The following RBFOX1 variants were observed in gnomAD, a reference collection of about 807,000 sequenced individuals.
The protein encoded by RBFOX1 is RNA binding fox-1 homolog 1, also known as RNA binding protein fox-1 homolog 1.
RBFOX1 carries 8 observed loss-of-function variants against 57.7 expected under a neutral mutation model. The observed-to-expected ratio is 0.14, with a 90% CI of 0.08 to 0.25. The LOEUF is 0.25. Ranked by LOEUF, RBFOX1 falls within the 10% of genes least tolerant of loss-of-function variation. The pLI, the probability that RBFOX1 is intolerant of heterozygous loss-of-function variation, is 1.00. For synonymous variants in RBFOX1, 326 were observed against 222.4 expected, an observed-to-expected ratio of 1.47 and a Z score of -4.15; for missense variants, 611 against 548.5, an observed-to-expected ratio of 1.11 and a Z score of -1.14.
Position 6,895,446 on chromosome 16 carries a change from GTGTATATATATATATATATA to G in RBFOX1, c.-15-156609_-15-156590del, listed in dbSNP as rs1386407416. ...TGTGTGTGTGTGTGTGTGTGTGTGT[GTGTATATATATATATATATA>G]TATATATATATATATATATATTTAT... On this transcript the variant is annotated intron_variant, in intron 3 of 15. Transcript: ENST00000550418. 3.5e-4 allele frequency among the ~76,000 whole-genome samples: 20 copies of G among 57,102 alleles called. 1 individual carries two copies. The highest frequency in any genetic ancestry group is 1.6e-3 in the African/African-American group (18 of 11,522). 37.5% of individuals were successfully genotyped at this position (57,102 alleles called of 152,430 possible). A position where few individuals can be genotyped will look rare whatever the true frequency, so the allele number is the denominator to read the frequency against.
chr16:7,621,686 G>C (rs2059342103), intron 10 of RBFOX1, among the ~76,000 whole-genome samples: 2 of 152,216 alleles, frequency 1.3e-5, no homozygotes, highest in South Asian at 4.1e-4. Context: ...GGCAAGTATT[G>C]ATCAAATGAT....
At chr16:6,250,446 A>C (rs554271227) in intron 1 of RBFOX1, among the ~76,000 whole-genome samples, 13 of 152,308 alleles carry the variant, frequency 8.5e-5, no homozygotes, top group African/African-American at 2.2e-4. Context: ...ATGTCAAAGA[A>C]AATGAGCAAT....
In RBFOX1 at chr16:7,344,875, G is replaced by A. The variant is rs144038180; in HGVS notation, c.28-173272G>A. ...GGGGAAATGGCCATGTCTCTTGCCC[G>A]TACAACCGACTCTGAGCAGAAGGCT... On this transcript the variant is annotated intron_variant, in intron 4 of 15. Coordinates refer to ENST00000550418, the MANE Select transcript of RBFOX1 (RefSeq NM_018723.4). 4.7e-3 allele frequency among the ~76,000 whole-genome samples: 721 copies of A among 152,280 alleles called. 6 individuals are homozygous for A. The highest frequency in any genetic ancestry group is 0.016 in the African/African-American group (677 of 41,572).
chr16:7,328,505 A>T (rs980758722), intron 4 of RBFOX1: 1 of 148,996 alleles, frequency 6.7e-6, no homozygotes, highest in Non-Finnish European at 1.5e-5. Context: ...AAAAAAGAAG[A>T]CCTGGGAAGG....
intron 4 of RBFOX1, among the ~76,000 whole-genome samples, chr16:7,216,295 A>T (rs1242654573): frequency 6.6e-6 from 1 of 151,906 alleles, no homozygotes; most frequent in African/African-American, 2.4e-5. Context: ...ATGAGCAGAA[A>T]TCCAGCTAGT....
At chr16:7,641,929 T>C (rs1262586969) in intron 11 of RBFOX1, among the ~76,000 whole-genome samples, 6 of 152,114 alleles carry the variant, frequency 3.9e-5, no homozygotes, top group Non-Finnish European at 8.8e-5. Context: ...TTTTTCTGGC[T>C]CAGAAGCCAC....
chr16:6,446,969 G>C (rs1054784038), intron 2 of RBFOX1, among the ~76,000 whole-genome samples: 23 of 152,026 alleles, frequency 1.5e-4, no homozygotes, highest in Non-Finnish European at 2.9e-5. Context: ...TGTTTTGCCT[G>C]TACTTTTCAT....
At position 6,751,328 on chromosome 16, in the gene RBFOX1, C is replaced by T. The variant is rs980341493; in HGVS notation, c.-16+96678C>T. ...TACGGGAGAGAAATGACAGTGCCCT[C>T]TACCAGAAAAATGAATGGACTGAAA... is the stretch of plus-strand genomic sequence containing the variant. On this transcript the variant is annotated intron_variant, in intron 3 of 15. Transcript: ENST00000550418. 3.3e-5 allele frequency among the ~76,000 whole-genome samples: 5 copies of T among 151,998 alleles called. No individual in the cohort carries two copies. In the East Asian group the frequency reaches 7.7e-4, roughly 23 times the overall value.
At chr16:7,524,751 C>T (rs540617545) in intron 5 of RBFOX1, among the ~76,000 whole-genome samples, 22 of 152,266 alleles carry the variant, frequency 1.4e-4, no homozygotes, top group Non-Finnish European at 2.8e-4. Flanking sequence ...GTGTTAACTG[C>T]GCCTCCAAAT....
chr16:6,148,284 G>A (rs1022533370), intron 1 of RBFOX1, among the ~76,000 whole-genome samples: 1 of 152,170 alleles, frequency 6.6e-6, no homozygotes, highest in Non-Finnish European at 1.5e-5. Context: ...CCAAGATAGC[G>A]CCACTGCACT....
rs531849757 is a variant in RBFOX1, at chr16:6,912,319, G to C, written c.-15-139738G>C. Among the ~76,000 whole-genome samples, 7 of 152,208 alleles carry C rather than the reference G, an allele frequency of 4.6e-5. No homozygotes were observed. The South Asian group carries it at 1.2e-3, about 27-fold the overall frequency. ...AGATTTTCTGACTGAATAGCTCTGG[G>C]GTGGAGCTCTGTAATTTACACTTCT... On this transcript the variant is annotated intron_variant, in intron 3 of 15. Coordinates refer to ENST00000550418, the MANE Select transcript of RBFOX1 (RefSeq NM_018723.4).
chr16:5,299,430 C>G (rs976768921), intron 1 of RBFOX1, among the ~76,000 whole-genome samples: 1 of 152,168 alleles, frequency 6.6e-6, no homozygotes, highest in African/African-American at 2.4e-5. Context: ...AACATATTCT[C>G]ATTCTTTTAG....
At chr16:5,979,338 A>G (rs1311008623) in intron 4 of RBFOX1, among the ~76,000 whole-genome samples, 1 of 152,194 alleles carries the variant, frequency 6.6e-6, no homozygotes, top group Non-Finnish European at 1.5e-5. Flanking sequence ...TCGGATTGTA[A>G]TGTAGCCCTC....
intron 1 of RBFOX1, among the ~76,000 whole-genome samples, chr16:5,274,773 A>G (rs1396147058): frequency 6.6e-6 from 1 of 152,218 alleles, no homozygotes; most frequent in Non-Finnish European, 1.5e-5. Flanking sequence ...TAGGGCAAGC[A>G]GGACAGGTAA....
intron 3 of RBFOX1, among the ~76,000 whole-genome samples, chr16:6,838,013 T>G (rs1160614305): frequency 6.6e-6 from 1 of 152,044 alleles, no homozygotes; most frequent in Non-Finnish European, 1.5e-5. Context: ...CACCCCTTTT[T>G]TTTTTTTTCC....
intron 7 of RBFOX1, among the ~76,000 whole-genome samples, 153 bp from the exon 8 acceptor site, chr16:7,595,396 A>C (rs766961170): frequency 1.9e-4 from 29 of 152,208 alleles, no homozygotes; most frequent in Non-Finnish European, 4.0e-4. Context: ...TAATTATTGC[A>C]CATCTCAGTA....
intron 1 of RBFOX1, among the ~76,000 whole-genome samples, chr16:5,373,191 T>G (rs1341590927): frequency 4.6e-5 from 7 of 152,134 alleles, no homozygotes; most frequent in African/African-American, 1.7e-4. Flanking sequence ...GCATTCCTTG[T>G]GGGAGTTTGT....
intron 3 of RBFOX1, among the ~76,000 whole-genome samples, chr16:6,822,871 G>A (rs1425029336): frequency 6.6e-6 from 1 of 152,206 alleles, no homozygotes; most frequent in Non-Finnish European, 1.5e-5. Context: ...GCCTGGAACA[G>A]TGATTCACAT....
intron 3 of RBFOX1, among the ~76,000 whole-genome samples, chr16:6,919,310 A>AAT (rs1355826484): frequency 6.6e-6 from 1 of 152,080 alleles, no homozygotes; most frequent in Non-Finnish European, 1.5e-5. Context: ...TTTCTTGACC[A>AAT]ATTCCTATTT....
Sources: allele counts gnomAD v4.1 joint callset (sites outside exome capture counted in the v4.1 genomes callset), GRCh38; gene constraint gnomAD v4.1.1; transcripts MANE v1.5; gene names NCBI Gene and HGNC (gene_info 2026-07-23, HGNC 2026-07-21).